The following SGCZ variants were observed in gnomAD, a reference collection of about 807,000 sequenced individuals.
SGCZ encodes zeta-sarcoglycan.
SGCZ carries 40 observed loss-of-function variants against 41.3 expected under a neutral mutation model. The observed-to-expected ratio is 0.97, with a 90% confidence interval of 0.75 to 1.26. The LOEUF is 1.26. Ranked by LOEUF, SGCZ falls within the 50% of genes most tolerant of loss-of-function variation. SGCZ has a pLI of 0.00. For synonymous variants in SGCZ, 206 were observed against 137.5 expected (o/e 1.50, Z -3.49); for missense variants, 552 against 369.8 (o/e 1.49, Z -4.04).
chr8:14,381,278 G>A (rs989761829), intron 2 of SGCZ, among the ~76,000 whole-genome samples: 2 of 152,326 alleles, frequency 1.3e-5, no homozygotes, highest in Admixed American at 1.3e-4. Flanking sequence ...GCAACAGCTA[G>A]GAAGGTTCAG....
At chr8:14,530,126 C>T (rs148811585) in intron 2 of SGCZ, among the ~76,000 whole-genome samples, 31 of 151,778 alleles carry the variant, frequency 2.0e-4, no homozygotes, top group African/African-American at 4.3e-4. Context: ...CATGCATTTG[C>T]GTATTATGGT....
At chr8:14,515,191 A>C (rs1190367539) in intron 2 of SGCZ, among the ~76,000 whole-genome samples, 1 of 151,846 alleles carries the variant, frequency 6.6e-6, no homozygotes, top group Non-Finnish European at 1.5e-5. Flanking sequence ...CCTCCAATAA[A>C]ACTGAACTTC....
intron 1 of SGCZ, among the ~76,000 whole-genome samples, chr8:15,146,283 C>T (rs374763447): frequency 5.9e-5 from 9 of 151,980 alleles, no homozygotes; most frequent in African/African-American, 1.9e-4. Flanking sequence ...TGATTTTCGT[C>T]GGAAAGGAAT....
intron 2 of SGCZ, among the ~76,000 whole-genome samples, chr8:14,506,563 G>A (rs898765051): frequency 3.1e-4 from 47 of 151,340 alleles, no homozygotes; most frequent in African/African-American, 1.1e-3. Context: ...GGACACCTAA[G>A]TCTCCCTTTC....
chr8:14,556,713 T>C (rs1319055884), intron 1 of SGCZ, among the ~76,000 whole-genome samples: 2 of 152,068 alleles, frequency 1.3e-5, no homozygotes, highest in African/African-American at 4.8e-5. Context: ...CCTAAGTTAC[T>C]TTTACTTCAC....
At chr8:14,307,190 A>C (rs1801377741) in intron 3 of SGCZ, among the ~76,000 whole-genome samples, 1 of 152,158 alleles carries the variant, frequency 6.6e-6, no homozygotes, top group South Asian at 2.1e-4. Context: ...AGGACATTTA[A>C]TTGACTTTTC....
chr8:14,387,426 C>G (rs1804613711), intron 2 of SGCZ, among the ~76,000 whole-genome samples: 1 of 152,116 alleles, frequency 6.6e-6, no homozygotes, highest in Non-Finnish European at 1.5e-5. Flanking sequence ...TACCTCTTGT[C>G]AAAAACCTTT....
chr8:14,651,952 A>T (rs7812485), intron 1 of SGCZ, among the ~76,000 whole-genome samples: 31,122 of 151,912 alleles, frequency 0.2, 3,888 homozygotes, highest in Non-Finnish European at 0.29. Context: ...TACATTTAAA[A>T]AAAAAGCAAA....
intron 1 of SGCZ, among the ~76,000 whole-genome samples, chr8:14,787,867 T>C (rs1800820047): frequency 6.6e-6 from 1 of 152,236 alleles, no homozygotes; most frequent in African/African-American, 2.4e-5. Context: ...GGAATATTCC[T>C]ATTCTGTATA....
chr8:14,369,021 ATGTGTG>A (rs10655274), intron 2 of SGCZ, among the ~76,000 whole-genome samples: 5,496 of 145,514 alleles, frequency 0.038, 137 homozygotes, highest in Admixed American at 0.083. Flanking sequence ...GCAAATGTAA[ATGTGTG>A]TGTGTGTGTG....
intron 1 of SGCZ, among the ~76,000 whole-genome samples, chr8:15,028,113 G>C (rs548265392): frequency 6.6e-6 from 1 of 151,960 alleles, no homozygotes; most frequent in African/African-American, 2.4e-5. Flanking sequence ...CACTAATAAA[G>C]ACCTTAGGAC....
In SGCZ at chr8:14,238,748, G is replaced by C. The variant is rs557920935; in HGVS notation, c.337-1069C>G. 3.3e-5 allele frequency among the ~76,000 whole-genome samples: 5 copies of C among 151,782 alleles called. No individual in the cohort carries two copies. The East Asian group carries it at 7.8e-4, about 24-fold the overall frequency. The stretch of plus-strand genomic sequence containing the variant: ...TCATTATGTACAATATAATGTTCTG[G>C]GGGGGGACATTTCGGTGATCAAAAA... On this transcript the variant is annotated intron_variant, in intron 3 of 7. Coordinates refer to ENST00000382080, the MANE Select transcript of SGCZ (RefSeq NM_139167.4).
chr8:14,892,351 T>C (rs1169086614), intron 1 of SGCZ, among the ~76,000 whole-genome samples: 4 of 152,148 alleles, frequency 2.6e-5, no homozygotes, highest in Admixed American at 2.6e-4. Flanking sequence ...TGCTCATATG[T>C]AAGTAAATGT....
chr8:14,800,981 A>G (rs1801303323), intron 1 of SGCZ, among the ~76,000 whole-genome samples: 1 of 152,204 alleles, frequency 6.6e-6, no homozygotes, highest in Non-Finnish European at 1.5e-5. Context: ...GATATCAAGA[A>G]CAAAGGAAAC....
chr8:14,462,275 A>G (rs2116955247), intron 2 of SGCZ, among the ~76,000 whole-genome samples: 1 of 152,038 alleles, frequency 6.6e-6, no homozygotes, highest in East Asian at 1.9e-4. Context: ...ATAGAGGTGC[A>G]AGAAAAAAAA....
chr8:15,098,876 T>G (rs1404373421), intron 1 of SGCZ, among the ~76,000 whole-genome samples: 1 of 152,138 alleles, frequency 6.6e-6, no homozygotes, highest in East Asian at 1.9e-4. Context: ...CCGGCCAACA[T>G]GGCGAAATCC....
At chr8:14,463,404 G>GT (rs1282442509) in intron 2 of SGCZ, among the ~76,000 whole-genome samples, 10 of 120,484 alleles carry the variant, frequency 8.3e-5, no homozygotes, top group East Asian at 2.3e-4. Context: ...AACAAGTGGT[G>GT]TAAAAAAAAA....
chr8:15,064,768 T>A (rs1805064616), intron 1 of SGCZ, among the ~76,000 whole-genome samples: 1 of 152,162 alleles, frequency 6.6e-6, no homozygotes. Flanking sequence ...GATTTGAAAC[T>A]GAGCTCCCAT....
chr8:14,509,409 A>T (rs1240016179), intron 2 of SGCZ, among the ~76,000 whole-genome samples: 1 of 152,202 alleles, frequency 6.6e-6, no homozygotes, highest in African/African-American at 2.4e-5. Flanking sequence ...AAATAATTTT[A>T]AAACCTTAAT....
Sources: allele counts gnomAD v4.1 joint callset (sites outside exome capture counted in the v4.1 genomes callset), GRCh38; gene constraint gnomAD v4.1.1; transcripts MANE v1.5; gene names NCBI Gene and HGNC (gene_info 2026-07-23, HGNC 2026-07-21).